The following CHD8 variants were observed in gnomAD, a reference collection of about 807,000 sequenced individuals.
The protein encoded by CHD8 is chromodomain helicase DNA binding protein 8.
In CHD8, 31 loss-of-function variants were observed where a neutral mutation model predicts 279.2. That is an observed-to-expected ratio of 0.11 (90% CI 0.08 to 0.15). CHD8 has a LOEUF of 0.15. Among genes scored for constraint, CHD8 ranks in the 10% least tolerant of loss-of-function variants. The pLI is 1.00. For synonymous variants in CHD8, 1,081 were observed against 1,139.6 expected (o/e 0.95, Z 1.04); for missense variants, 2,146 against 3,230.5 (o/e 0.66, Z 8.14).
chr14:21,390,552 G>C (rs2139439237), intron 37 of CHD8, among the ~76,000 whole-genome samples: 1 of 152,250 alleles, frequency 6.6e-6, no homozygotes, highest in Admixed American at 6.5e-5. Flanking sequence ...GGCCGAGGCG[G>C]GTGGATCACG....
At chr14:21,387,650 A>AG (rs1310194017) in intron 37 of CHD8, among the ~76,000 whole-genome samples, 1 of 150,252 alleles carries the variant, frequency 6.7e-6, no homozygotes, top group Non-Finnish European at 1.5e-5. Flanking sequence ...AAAAAAAAAA[A>AG]AAAAAAAAAG....
chr14:21,423,258 A>G (rs1889134527), intron 5 of CHD8, among the ~76,000 whole-genome samples: 1 of 152,130 alleles, frequency 6.6e-6, no homozygotes, highest in Admixed American at 6.5e-5. Context: ...TATTTCTCAC[A>G]GTTCTAAAGG....
chr14:21,392,452 C>T (rs996788249), intron 34 of CHD8, 55 bp downstream of exon 34: 1 of 1,525,796 alleles, frequency 6.6e-7, no homozygotes, highest in Non-Finnish European at 8.9e-7. Flanking sequence ...AAATTAGTTA[C>T]AGCAAGGATT....
intron 7 of CHD8, 29 bp downstream of exon 7, chr14:21,415,545 A>ATAAT (rs57234315): frequency 3.0e-5 from 34 of 1,117,602 alleles, no homozygotes; most frequent in Admixed American, 1.9e-4. Context: ...AAATAAATAA[A>ATAAT]AATAATAATA....
chr14:21,429,941 T>G, intron 2 of CHD8: 1 of 164,028 alleles, frequency 6.1e-6, no homozygotes, highest in Non-Finnish European at 1.4e-5. Context: ...TAGAATCTTT[T>G]CTATAATGCT....
chr14:21,405,277 T>A lies in CHD8; in HGVS notation c.3239A>T (p.Asn1080Ile). The A allele has an allele frequency of 6.2e-7, 1 of 1,613,326 alleles. No homozygotes were observed. The highest frequency in any genetic ancestry group is 8.5e-7 in the Non-Finnish European group (1 of 1,179,626). Residue 1080 changes from asparagine (N) to isoleucine (I), a missense_variant, in exon 16 of 38, where the codon AAC becomes ATC. This residue lies in a region of CHD8 where 18 missense variants were observed against 17.1 expected (regional missense o/e 1.05). Coordinates refer to ENST00000646647, the MANE Select transcript of CHD8 (RefSeq NM_001170629.2). This position sits in a 1 kb window ranked among gnomAD's most constrained non-coding sequence, Gnocchi z 4.2. ...SFLSKGAGHTNMPNLLNTMME... is the reference protein window; with the variant it reads ...SFLSKGAGHTIMPNLLNTMME... ...CATTGTGTTAAGTAGATTAGGCATG[T>A]TGGTATGACCTGCCCCTTTGGAAAG...
intron 20 of CHD8, 135 bp from the exon 21 acceptor site, chr14:21,401,648 G>A (rs1274793604): frequency 4.6e-5 from 28 of 615,316 alleles, no homozygotes; most frequent in Non-Finnish European, 6.9e-5. Context: ...ACAGTGGCAC[G>A]ATCTCCGCTC....
At position 21,385,355 on chromosome 14, in the gene CHD8, GCA is replaced by G; in HGVS notation, c.*256_*257del. The G allele has an allele frequency of 1.9e-6, 1 of 531,106 alleles. No homozygotes were observed. Among genetic ancestry groups the G allele is most frequent in the Non-Finnish European group, 3.2e-6 (1 of 308,414 alleles). 32.9% of individuals were successfully genotyped at this position (531,106 alleles called of 1,614,324 possible). On this transcript the variant is annotated 3_prime_UTR_variant, in exon 38 of 38. Coordinates refer to ENST00000646647, the MANE Select transcript of CHD8 (RefSeq NM_001170629.2). ...AATGGAGGTGACTAGGGAGGGGTGA[GCA>G]CACCAGCTGCTCTAGTCTCCTTTCC...
intron 7 of CHD8, 112 bp from the exon 8 acceptor site, chr14:21,415,105 A>G (rs1448211201): frequency 1.5e-5 from 11 of 718,726 alleles, no homozygotes; most frequent in South Asian, 8.7e-5. Context: ...GAATATATTA[A>G]TAACTCAGAG....
In CHD8 at chr14:21,414,503, C is replaced by T. The variant is rs569736785; in HGVS notation, c.2025-85G>A. 5.9e-5 allele frequency: 42 copies of T among 710,448 alleles called. 1 individual carries two copies. The African/African-American group carries it at 7.1e-4, about 12-fold the overall frequency. 44.0% of individuals were successfully genotyped at this position (710,448 alleles called of 1,614,324 possible). On this transcript the variant is annotated intron_variant, in intron 8 of 37. Transcript: ENST00000646647. ...CTGAAATTTTGGGATTAGTCAGAAG[C>T]AGACATAACAAATACAGGCTTAAAT... is the stretch of plus-strand genomic sequence containing the variant.
intron 5 of CHD8, among the ~76,000 whole-genome samples, chr14:21,420,687 T>C (rs1464151331): frequency 6.6e-6 from 1 of 152,096 alleles, no homozygotes; most frequent in Non-Finnish European, 1.5e-5. Context: ...AGAGTGTTCA[T>C]GAAAGTAAGA....
intron 1 of CHD8, among the ~76,000 whole-genome samples, chr14:21,438,915 C>A (rs572707250): frequency 6.6e-6 from 1 of 151,970 alleles, no homozygotes; most frequent in Admixed American, 6.6e-5. Flanking sequence ...TCACTTGAGG[C>A]CAGGAGTTTG....
chr14:21,394,134 G>T lies in CHD8; in HGVS notation c.5661C>A (p.Leu1887=), dbSNP rs746231563. ...PITEERASRT[L]YRIELLRRLR... ...AGCGCCGAAGCAATTCTATACGGTA[G>T]AGAGTCCGTGAGGCTCTCTCCTCAG... Residue 1887 remains leucine (L), a synonymous_variant, in exon 32 of 38, where the codon CTC becomes CTA. Transcript: ENST00000646647. 1.2e-6 allele frequency: 2 copies of T among 1,611,350 alleles called. No homozygotes were observed. Among genetic ancestry groups the T allele is most frequent in the Non-Finnish European group, 1.7e-6 (2 of 1,178,242 alleles).
At chr14:21,424,518 T>G (rs1889214709) in intron 5 of CHD8, among the ~76,000 whole-genome samples, 1 of 152,210 alleles carries the variant, frequency 6.6e-6, no homozygotes, top group Non-Finnish European at 1.5e-5. Flanking sequence ...TCACCCAGGC[T>G]GGAGTGCAGT....
At position 21,390,872 on chromosome 14, in the gene CHD8, C is replaced by G. The variant is rs981071134; in HGVS notation, c.7182+75G>C. 17 of 753,164 alleles carry G rather than the reference C, an allele frequency of 2.3e-5. No individual in the cohort carries two copies. In the Admixed American group the frequency reaches 3.8e-4, roughly 17 times the overall value. 46.7% of individuals were successfully genotyped at this position (753,164 alleles called of 1,614,324 possible). A position where few individuals can be genotyped will look rare whatever the true frequency, so the allele number is the denominator to read the frequency against. The stretch of plus-strand genomic sequence containing the variant: ...AGGAAAAAAGATAAATAACATTAGT[C>G]ACAATCATCATTGAAAGACTTGTAA... On this transcript the variant is annotated intron_variant, in intron 37 of 37. Coordinates refer to ENST00000646647, the MANE Select transcript of CHD8 (RefSeq NM_001170629.2).
In CHD8 at chr14:21,406,937, C is replaced by G; in HGVS notation, c.2826G>C (p.Trp942Cys). ...SDCPELREIE[W>C]RCVIIDEAHR... ...GGGCTTCATCAATGATAACACAACG[C>G]CATTCAATTTCACGAAGCTCAGGAC... Residue 942 changes from tryptophan to cysteine, a missense_variant, in exon 14 of 38, where the codon TGG becomes TGC. Physicochemically the swap from Trp to Cys is radical, Grantham distance 215. Transcript: ENST00000646647. 6.2e-7 allele frequency: 1 copy of G among 1,613,004 alleles called. No individual in the cohort carries two copies. The highest frequency in any genetic ancestry group is 1.1e-5 in the South Asian group (1 of 90,798).
chr14:21,394,605 CAAA>C (rs3068337), intron 30 of CHD8, 120 bp from the exon 31 acceptor site: 1,460 of 108,098 alleles, frequency 0.014, no homozygotes, highest in South Asian at 0.032. Flanking sequence ...AAAGTAGACG[CAAA>C]AAAAAAAAAA....
intron 1 of CHD8, among the ~76,000 whole-genome samples, chr14:21,446,993 T>C (rs532253974): frequency 6.6e-6 from 1 of 152,344 alleles, no homozygotes; most frequent in African/African-American, 2.4e-5. Flanking sequence ...GTAATGGGCA[T>C]TCAATGTATT....
At chr14:21,434,415 C>T (rs962934586) in intron 1 of CHD8, among the ~76,000 whole-genome samples, 1 of 152,010 alleles carries the variant, frequency 6.6e-6, no homozygotes, top group Non-Finnish European at 1.5e-5. Flanking sequence ...AGTATTTTGT[C>T]GCTTCCATGA....
Sources: allele counts gnomAD v4.1 joint callset (sites outside exome capture counted in the v4.1 genomes callset), GRCh38; gene constraint gnomAD v4.1.1; regional missense constraint gnomAD v4.1.1; non-coding constraint Gnocchi (gnomAD v3.1); transcripts MANE v1.5; gene names NCBI Gene and HGNC (gene_info 2026-07-23, HGNC 2026-07-21).